Variants in LRRC37A2 observed in about 807,000 individuals in gnomAD.
LRRC37A2 encodes the protein leucine-rich repeat-containing protein 37A2.
Under a neutral mutation model 68.8 loss-of-function variants are expected in LRRC37A2, and 9 were observed. The ratio of observed to expected loss-of-function variants is 0.13; its 90% CI spans 0.08 to 0.23. The LOEUF is 0.23. LRRC37A2 is among the 10% of genes least tolerant of loss of function. The pLI is 1.00. For missense variants in LRRC37A2, 168 were observed against 950.4 expected (o/e 0.18, Z 10.82); for synonymous variants, 63 against 367.6 (o/e 0.17, Z 9.48).
the LRRC37A2 span, among the ~76,000 whole-genome samples, chr17:46,978,000 C>A: frequency 2.1e-4 from 32 of 152,352 alleles, no homozygotes; most frequent in South Asian, 5.6e-3. Context: ...TCGCTCTGGC[C>A]TCCGCGTGGA....
the LRRC37A2 span, among the ~76,000 whole-genome samples, chr17:47,034,216 A>T: frequency 1.3e-5 from 2 of 152,246 alleles, no homozygotes; most frequent in Admixed American, 1.3e-4. Context: ...TAAATAAATA[A>T]AAACATTCAT....
At chr17:46,935,991 G>A in the LRRC37A2 span, 1 of 985,888 alleles carries the variant, frequency 1.0e-6, no homozygotes, top group Non-Finnish European at 1.2e-6. Flanking sequence ...GTTTTTGTTG[G>A]ATCATGTTGA....
At chr17:46,942,641 G>A in the LRRC37A2 span, among the ~76,000 whole-genome samples, 5 of 152,250 alleles carry the variant, frequency 3.3e-5, no homozygotes, top group African/African-American at 4.8e-5. Context: ...TCCCTGTTGG[G>A]AAATAATTTC....
chr17:46,968,028 C>A, the LRRC37A2 span, among the ~76,000 whole-genome samples: 1 of 152,116 alleles, frequency 6.6e-6, no homozygotes, highest in South Asian at 2.1e-4. Flanking sequence ...CTTACAGAAT[C>A]AGGACCCTGG....
the LRRC37A2 span, among the ~76,000 whole-genome samples, chr17:46,754,584 C>T: frequency 1.4e-4 from 21 of 152,242 alleles, no homozygotes; most frequent in South Asian, 1.5e-3. Context: ...TGTGGGCCTA[C>T]GAGAATAAAG....
At chr17:46,979,200 C>T in the LRRC37A2 span, 1 of 479,030 alleles carries the variant, frequency 2.1e-6, no homozygotes. Flanking sequence ...GAAGCGACCG[C>T]CCGGAGGAGC....
chr17:46,740,783 C>T, the LRRC37A2 span, among the ~76,000 whole-genome samples: 1 of 151,696 alleles, frequency 6.6e-6, no homozygotes. Context: ...TACCTCAGCC[C>T]CACAAGTAGC....
At chr17:47,010,996 T>C in the LRRC37A2 span, among the ~76,000 whole-genome samples, 1 of 151,946 alleles carries the variant, frequency 6.6e-6, no homozygotes, top group African/African-American at 2.4e-5. Context: ...GCTCTAGGGG[T>C]AGGAGGATGA....
chr17:46,858,918 C>T, the LRRC37A2 span, among the ~76,000 whole-genome samples: 28 of 151,578 alleles, frequency 1.8e-4, no homozygotes, highest in East Asian at 4.7e-3. Context: ...TCTCCTGCCT[C>T]GGCCTCTCAA....
the LRRC37A2 span, among the ~76,000 whole-genome samples, chr17:46,892,059 C>T: frequency 6.6e-6 from 1 of 151,432 alleles, no homozygotes; most frequent in South Asian, 2.1e-4. Flanking sequence ...GCTGGGATTA[C>T]AGGTGTCCAC....
At chr17:46,839,069 A>C in the LRRC37A2 span, among the ~76,000 whole-genome samples, 69,707 of 151,742 alleles carry the variant, frequency 0.46, 20,136 homozygotes, top group East Asian at 0.88. Context: ...GTAGAGACAG[A>C]CTTTCACCAT....
chr17:46,831,940 G>A, the LRRC37A2 span, among the ~76,000 whole-genome samples: 1 of 152,262 alleles, frequency 6.6e-6, no homozygotes, highest in Admixed American at 6.5e-5. Context: ...GGCAGACCAG[G>A]ACACTGTGCC....
At chr17:46,495,340 T>C in the LRRC37A2 span, among the ~76,000 whole-genome samples, 1 of 148,724 alleles carries the variant, frequency 6.7e-6, no homozygotes, top group Non-Finnish European at 1.5e-5. Context: ...CCCAAAGTGC[T>C]GGGATTCCAG....
At chr17:46,875,226 C>T in the LRRC37A2 span, 52 of 1,614,086 alleles carry the variant, frequency 3.2e-5, no homozygotes, top group Non-Finnish European at 3.9e-5. Context: ...GCTGGAGAGC[C>T]GGCAGGCCTG....
At chr17:46,790,493 G>A in the LRRC37A2 span, among the ~76,000 whole-genome samples, 2 of 152,058 alleles carry the variant, frequency 1.3e-5, no homozygotes, top group Admixed American at 6.6e-5. Flanking sequence ...CTAGGTCACA[G>A]ACAGGGCTGG....
chr17:46,694,213 C>A, the LRRC37A2 span, among the ~76,000 whole-genome samples: 1 of 136,256 alleles, frequency 7.3e-6, no homozygotes, highest in Non-Finnish European at 1.5e-5. Context: ...GGTGAAACCC[C>A]TTCTCTACTA....
the LRRC37A2 span, among the ~76,000 whole-genome samples, chr17:46,729,967 C>T: frequency 6.6e-6 from 1 of 152,068 alleles, no homozygotes; most frequent in East Asian, 1.9e-4. Context: ...TTTCATAAAC[C>T]ATCATTCCTA....
the LRRC37A2 span, among the ~76,000 whole-genome samples, chr17:46,829,237 G>A: frequency 5.3e-5 from 8 of 151,994 alleles, no homozygotes; most frequent in African/African-American, 9.7e-5. Context: ...GAGCAATCTT[G>A]GCTCACTGCA....
the LRRC37A2 span, chr17:46,876,821 T>G: frequency 1.4e-6 from 2 of 1,441,184 alleles, no homozygotes; most frequent in Non-Finnish European, 1.8e-6. Flanking sequence ...CATGCATGCA[T>G]AAACCGGCAT....
Sources: gnomAD v4.1 joint callset for allele counts (sites outside exome capture counted in the v4.1 genomes callset) on GRCh38, gnomAD v4.1.1 for gene constraint, MANE v1.5 for transcripts, NCBI Gene and HGNC (gene_info 2026-07-23, HGNC 2026-07-21) for gene names.